TSC22D1: variants seen among roughly 807,000 people sequenced by gnomAD.
The protein encoded by TSC22D1 is TSC22 domain family member 1, also known as TSC22 domain family protein 1.
Under a neutral mutation model 74.2 loss-of-function variants are expected in TSC22D1, and 9 were observed. The ratio of observed to expected loss-of-function variants is 0.12; its 90% CI spans 0.07 to 0.21. TSC22D1 has a LOEUF of 0.21. TSC22D1 is among the 10% of genes least tolerant of loss of function. TSC22D1 has a pLI of 1.00. For synonymous variants in TSC22D1, 586 were observed against 492.5 expected, an observed-to-expected ratio of 1.19 and a Z score of -2.51; for missense variants, 1,427 against 1,304.7, an observed-to-expected ratio of 1.09 and a Z score of -1.44.
intron 1 of TSC22D1, chr13:44,539,139 C>A: frequency 1.0e-6 from 1 of 985,172 alleles, no homozygotes; most frequent in South Asian, 4.7e-5. Flanking sequence ...TTCCTAGGGA[C>A]TAGAAAATGA....
chr13:44,459,334 G>C (rs1233106476), intron 1 of TSC22D1, among the ~76,000 whole-genome samples: 2 of 152,074 alleles, frequency 1.3e-5, no homozygotes, highest in African/African-American at 4.8e-5. Context: ...AGGATGACCT[G>C]CCTGTGGAAA....
At chr13:44,572,788 A>C (rs1883857258) in intron 1 of TSC22D1, among the ~76,000 whole-genome samples, 1 of 152,258 alleles carries the variant, frequency 6.6e-6, no homozygotes, top group Non-Finnish European at 1.5e-5. Flanking sequence ...TGGGAACCAC[A>C]ACCCCCCAAG....
At chr13:44,507,145 T>C (rs1214231096) in intron 1 of TSC22D1, among the ~76,000 whole-genome samples, 2 of 152,194 alleles carry the variant, frequency 1.3e-5, no homozygotes, top group African/African-American at 4.8e-5. Context: ...TTGCAGAGTT[T>C]AGACTTTAAG....
At chr13:44,524,828 G>A (rs1027472465) in intron 1 of TSC22D1, among the ~76,000 whole-genome samples, 6 of 152,052 alleles carry the variant, frequency 3.9e-5, no homozygotes, top group Non-Finnish European at 1.5e-5. Flanking sequence ...GTGAGCCACC[G>A]TGCCCAGCTA....
At chr13:44,537,615 T>A in intron 1 of TSC22D1, 1 of 984,850 alleles carries the variant, frequency 1.0e-6, no homozygotes, top group Non-Finnish European at 1.2e-6. Context: ...TTAATTTATA[T>A]GTGTTTGTAA....
At position 44,434,200 on chromosome 13, in the gene TSC22D1, G is replaced by A. The variant is rs1874316033; in HGVS notation, c.*426C>T. Reference sequence around the variant, plus strand: ...CCCTCCTTTCAAGTTCCTCCTGGGGGGAGGAGAGGAGAGAGGCGAGTCCAG... The same window carrying A: ...CCCTCCTTTCAAGTTCCTCCTGGGGAGAGGAGAGGAGAGAGGCGAGTCCAG... On this transcript the variant is annotated 3_prime_UTR_variant, in exon 3 of 3. Transcript: ENST00000458659. The A allele has an allele frequency of 3.4e-6, 5 of 1,452,170 alleles. No individual in the cohort carries two copies. The highest frequency in any genetic ancestry group is 4.5e-6 in the Non-Finnish European group (5 of 1,116,742). The allele number at this position is 1,452,170 out of a possible 1,614,324, so 90.0% of individuals were successfully genotyped here.
At position 44,432,965 on chromosome 13, in the gene TSC22D1, TC is replaced by T. The variant is rs2138833964; in HGVS notation, c.*1660del. ...TCATGCAGAATCAACTGCAAGGACA[TC>T]CTTGCTCATCTGGTCCCACCTCAAA... is the stretch of plus-strand genomic sequence containing the variant. On this transcript the variant is annotated 3_prime_UTR_variant, in exon 3 of 3. Transcript: ENST00000458659. 6.6e-6 allele frequency: 1 copy of T among 152,354 alleles called. No individual in the cohort carries two copies. Among genetic ancestry groups the T allele is most frequent in the East Asian group, 1.9e-4 (1 of 5,184 alleles). The allele number at this position is 152,354 out of a possible 1,614,324, so 9.4% of individuals were successfully genotyped here.
intron 1 of TSC22D1, among the ~76,000 whole-genome samples, chr13:44,570,208 A>T (rs9595157): frequency 7.3e-4 from 91 of 125,386 alleles, no homozygotes; most frequent in African/African-American, 1.3e-3. Flanking sequence ...TTTTTTTTTT[A>T]GAGACAGGGT....
chr13:44,435,730 C>T (rs148427032), intron 2 of TSC22D1: 5 of 424,198 alleles, frequency 1.2e-5, no homozygotes, highest in East Asian at 5.3e-5. Flanking sequence ...GGTGTGCTCA[C>T]GACCAGCCGA....
intron 1 of TSC22D1, among the ~76,000 whole-genome samples, chr13:44,468,550 G>A (rs1193555990): frequency 6.7e-6 from 1 of 149,690 alleles, no homozygotes; most frequent in African/African-American, 2.4e-5. Context: ...AAAACAGTCT[G>A]TGCTCCTAAC....
At chr13:44,446,887 T>A (rs7320404) in intron 1 of TSC22D1, among the ~76,000 whole-genome samples, 147,029 of 151,898 alleles carry the variant, frequency 0.97, 71,257 homozygotes, top group Non-Finnish European at 1. Context: ...TATTTTTAAA[T>A]TTCTATCTAA....
chr13:44,438,830 A>G (rs1307263627), intron 1 of TSC22D1, among the ~76,000 whole-genome samples: 3 of 152,182 alleles, frequency 2.0e-5, no homozygotes, highest in African/African-American at 7.2e-5. Context: ...GATAGTCTCT[A>G]TATTTTGAAA....
chr13:44,517,784 TATATAC>T (rs1214279239), intron 1 of TSC22D1, among the ~76,000 whole-genome samples: 2 of 132,490 alleles, frequency 1.5e-5, no homozygotes, highest in African/African-American at 5.5e-5. Context: ...TATACACATA[TATATAC>T]ATATATATAC....
intron 1 of TSC22D1, among the ~76,000 whole-genome samples, chr13:44,497,577 A>G (rs946968145): frequency 6.6e-6 from 1 of 152,242 alleles, no homozygotes; most frequent in Non-Finnish European, 1.5e-5. Flanking sequence ...AACAACAACA[A>G]CAACAAAACA....
chr13:44,448,174 T>C (rs543638692), intron 1 of TSC22D1, among the ~76,000 whole-genome samples: 20 of 152,320 alleles, frequency 1.3e-4, no homozygotes, highest in South Asian at 6.2e-4. Flanking sequence ...GAGAACCTCA[T>C]GCAAGTGAGG....
intron 1 of TSC22D1, among the ~76,000 whole-genome samples, chr13:44,552,559 A>G (rs1882354796): frequency 6.6e-6 from 1 of 152,246 alleles, no homozygotes; most frequent in African/African-American, 2.4e-5. Flanking sequence ...GCCAATTAAA[A>G]GAGCCTGCAA....
intron 1 of TSC22D1, among the ~76,000 whole-genome samples, chr13:44,439,416 C>T (rs1291247579): frequency 6.6e-6 from 1 of 152,150 alleles, no homozygotes; most frequent in Non-Finnish European, 1.5e-5. Flanking sequence ...AAAAAGAAGG[C>T]AAAGGAAATG....
Position 44,518,267 on chromosome 13 carries a change from A to T in TSC22D1, c.2912+54896T>A, listed in dbSNP as rs996285876. The stretch of plus-strand genomic sequence containing the variant: ...CAGAAGTGCTATGCTGCTGCAAAAT[A>T]GAGGTAAACAAACGACAGTCACAAA... On this transcript the variant is annotated intron_variant, in intron 1 of 2. Transcript: ENST00000458659. Among the ~76,000 whole-genome samples, 6 of 152,200 alleles carry T rather than the reference A, an allele frequency of 3.9e-5. No homozygotes were observed. In the East Asian group the frequency reaches 7.7e-4, roughly 20 times the overall value.
At chr13:44,448,168 A>C (rs1343866646) in intron 1 of TSC22D1, among the ~76,000 whole-genome samples, 1 of 151,974 alleles carries the variant, frequency 6.6e-6, no homozygotes, top group East Asian at 1.9e-4. Context: ...TATTTCGAGA[A>C]CCTCATGCAA....
Sources: gnomAD v4.1 joint callset for allele counts (sites outside exome capture counted in the v4.1 genomes callset) on GRCh38, gnomAD v4.1.1 for gene constraint, MANE v1.5 for transcripts, NCBI Gene and HGNC (gene_info 2026-07-23, HGNC 2026-07-21) for gene names.